ZNF90: variants seen among roughly 807,000 people sequenced by gnomAD.
ZNF90 encodes zinc finger protein HTF9.
Under a neutral mutation model 12.0 loss-of-function variants are expected in ZNF90, and 11 were observed. The ratio of observed to expected loss-of-function variants is 0.92; its 90% CI spans 0.58 to 1.52. The LOEUF (loss-of-function observed/expected upper bound fraction) is 1.52. ZNF90 is among the 40% of genes most tolerant of loss of function. ZNF90 has a pLI of 0.00. For missense variants in ZNF90, 765 were observed against 711.5 expected (o/e 1.08, Z -0.86); for synonymous variants, 232 against 240.1 (o/e 0.97, Z 0.31).
In ZNF90 at chr19:20,119,433, G is replaced by A. The variant is rs551869351; in HGVS notation, c.*73G>A. ...AAACCGTATAAATGTGATGACTGTT[G>A]GAAAGCCTTTGACCACCCCTCTACT... On this transcript the variant is annotated 3_prime_UTR_variant, in exon 4 of 4. Transcript: ENST00000418063. 1.2e-5 allele frequency: 16 copies of A among 1,381,480 alleles called. No homozygotes were observed. Among genetic ancestry groups the A allele is most frequent in the African/African-American group, 5.8e-5 (4 of 68,540 alleles). 85.6% of individuals were successfully genotyped at this position (1,381,480 alleles called of 1,614,324 possible).
intron 1 of ZNF90, among the ~76,000 whole-genome samples, chr19:20,103,014 G>C (rs1475350106): frequency 6.6e-6 from 1 of 152,116 alleles, no homozygotes; most frequent in Non-Finnish European, 1.5e-5. Context: ...AATATGTTGG[G>C]GTGGCCAGAC....
At chr19:20,096,697 T>C (rs1315630532) in intron 1 of ZNF90, among the ~76,000 whole-genome samples, 1 of 152,180 alleles carries the variant, frequency 6.6e-6, no homozygotes, top group African/African-American at 2.4e-5. Flanking sequence ...TCTTTTGTGA[T>C]TCTTCAGTTA....
intron 1 of ZNF90, among the ~76,000 whole-genome samples, chr19:20,087,782 G>C (rs1225757007): frequency 6.6e-6 from 1 of 152,196 alleles, no homozygotes; most frequent in Non-Finnish European, 1.5e-5. Flanking sequence ...TCCGAAAAGA[G>C]AGTCAGCAAA....
chr19:20,116,673 T>G (rs1177558500), intron 3 of ZNF90, among the ~76,000 whole-genome samples: 6 of 152,224 alleles, frequency 3.9e-5, no homozygotes, highest in Admixed American at 3.9e-4. Flanking sequence ...TAGTCTTGGC[T>G]AGAGATTCTG....
At chr19:20,102,773 C>G (rs2088999975) in intron 1 of ZNF90, among the ~76,000 whole-genome samples, 1 of 152,124 alleles carries the variant, frequency 6.6e-6, no homozygotes, top group African/African-American at 2.4e-5. Context: ...GTTCCATTAG[C>G]TCTATGCAGA....
At chr19:20,087,978 G>A (rs1555702279) in intron 1 of ZNF90, among the ~76,000 whole-genome samples, 2 of 152,020 alleles carry the variant, frequency 1.3e-5, no homozygotes, top group African/African-American at 4.8e-5. Flanking sequence ...GGCAAGGACC[G>A]GCCATTTACA....
At position 20,105,329 on chromosome 19, in the gene ZNF90, GA is replaced by G; in HGVS notation, c.226+17del. 1.3e-6 allele frequency: 2 copies of G among 1,595,812 alleles called. No homozygotes were observed. Among genetic ancestry groups the G allele is most frequent in the Non-Finnish European group, 1.7e-6 (2 of 1,169,832 alleles). On this transcript the variant is annotated intron_variant, in intron 3 of 3. Transcript: ENST00000418063. ...GCCAAATCCCCAGGTAGGTGCGAGT[GA>G]AAATGAATACAACAGACAACACAGA...
chr19:20,090,796 A>T (rs1207052857), intron 1 of ZNF90, among the ~76,000 whole-genome samples: 1 of 152,222 alleles, frequency 6.6e-6, no homozygotes, highest in East Asian at 1.9e-4. Context: ...TGTACCCTGT[A>T]GCATCTCGAG....
Position 20,117,882 on chromosome 19 carries a change from A to G in ZNF90, c.328A>G (p.Asn110Asp). 1 of 1,611,506 alleles carries G rather than the reference A, an allele frequency of 6.2e-7. No individual in the cohort carries two copies. Among genetic ancestry groups the G allele is most frequent in the Non-Finnish European group, 8.5e-7 (1 of 1,178,858 alleles). ...VTRYEKREYGNLELKKGCESV... is the reference protein window; with the variant it reads ...VTRYEKREYGDLELKKGCESV... Reference sequence around the variant, plus strand: ...AAGATATGAAAAACGTGAATATGGCAATTTAGAGTTAAAAAAAGGTTGTGA... The same window carrying G: ...AAGATATGAAAAACGTGAATATGGCGATTTAGAGTTAAAAAAAGGTTGTGA... The change falls in exon 4 of 4, where the codon AAT (asparagine) becomes GAT (aspartate). Residue 110 changes from asparagine to aspartate, a missense_variant. Transcript: ENST00000418063.
chr19:20,116,395 C>CT (rs2089137820), intron 3 of ZNF90, among the ~76,000 whole-genome samples: 2 of 152,198 alleles, frequency 1.3e-5, no homozygotes, highest in African/African-American at 4.8e-5. Context: ...GTCTCATACT[C>CT]CTGACCTCAT....
At chr19:20,106,714 A>C (rs563242967) in intron 3 of ZNF90, among the ~76,000 whole-genome samples, 8 of 152,282 alleles carry the variant, frequency 5.3e-5, no homozygotes, top group African/African-American at 1.7e-4. Flanking sequence ...TGGCCTCCCA[A>C]AGTGCTAGGA....
chr19:20,109,119 A>G (rs989963256), intron 3 of ZNF90, among the ~76,000 whole-genome samples: 5 of 152,322 alleles, frequency 3.3e-5, no homozygotes, highest in African/African-American at 9.6e-5. Flanking sequence ...CTTTAAGTCA[A>G]TTTGAGGTTT....
Position 20,100,886 on chromosome 19 carries a change from A to T in ZNF90, c.4-3353A>T, listed in dbSNP as rs567107433. ...CAAGAGGTAAAGAAATAATCAAATC[A>T]TGTATCACCTGAGAGCAGAGGGGGA... On this transcript the variant is annotated intron_variant, in intron 1 of 3. Transcript: ENST00000418063. Among the ~76,000 whole-genome samples the T allele has an allele frequency of 3.3e-5, 5 of 152,308 alleles. No homozygotes were observed. The South Asian group carries it at 1.0e-3, about 32-fold the overall frequency.
At position 20,106,044 on chromosome 19, in the gene ZNF90, CTTT is replaced by C. The variant is rs56933917; in HGVS notation, c.226+749_226+751del. 4.8e-3 allele frequency among the ~76,000 whole-genome samples: 344 copies of C among 71,074 alleles called. 4 individuals carry two copies. The highest frequency in any genetic ancestry group is 0.018 in the Middle Eastern group (1 of 56). The allele number at this position is 71,074 out of a possible 152,430, so 46.6% of individuals were successfully genotyped here. On this transcript the variant is annotated intron_variant, in intron 3 of 3. Coordinates refer to ENST00000418063, the MANE Select transcript of ZNF90 (RefSeq NM_007138.2). Reference sequence around the variant, plus strand: ...TTATTTGGAACTTCTCTAATTTTTTCTTTTTTTTTTTTTTTTTTTTTTTGGTAA... The same window carrying C: ...TTATTTGGAACTTCTCTAATTTTTTCTTTTTTTTTTTTTTTTTTTTGGTAA...
At chr19:20,110,629 C>G (rs1190222762) in intron 3 of ZNF90, among the ~76,000 whole-genome samples, 1 of 152,074 alleles carries the variant, frequency 6.6e-6, no homozygotes, top group East Asian at 1.9e-4. Context: ...AAAATAATGG[C>G]TGTATCTTTG....
chr19:20,101,524 CTT>C (rs1453872805), intron 1 of ZNF90, among the ~76,000 whole-genome samples: 2 of 152,186 alleles, frequency 1.3e-5, no homozygotes, highest in African/African-American at 2.4e-5. Context: ...AAAGGAGAAA[CTT>C]TTATTTTTAT....
rs1555704268 is a variant in ZNF90, at chr19:20,105,220, G to A, written c.131-1G>A. The A allele has an allele frequency of 6.3e-7, 1 of 1,597,212 alleles. No individual in the cohort carries two copies. The highest frequency in any genetic ancestry group is 8.5e-7 in the Non-Finnish European group (1 of 1,171,378). On this transcript the variant is annotated splice_acceptor_variant, in intron 2 of 3. Transcript: ENST00000418063. LOFTEE classifies it high-confidence loss of function. ...CATGTTATTTATTTTTAATAAAACA[G>A]GTATTGTTGTCACTAAGCCAGACCT...
Position 20,119,435 on chromosome 19 carries a change from A to G in ZNF90, c.*75A>G, listed in dbSNP as rs2089176979. 2 of 1,351,864 alleles carry G rather than the reference A, an allele frequency of 1.5e-6. No individual in the cohort carries two copies. Among genetic ancestry groups the G allele is most frequent in the South Asian group, 1.5e-5 (1 of 67,614 alleles). 83.7% of individuals were successfully genotyped at this position (1,351,864 alleles called of 1,614,324 possible). ...ACCGTATAAATGTGATGACTGTTGG[A>G]AAGCCTTTGACCACCCCTCTACTCT... On this transcript the variant is annotated 3_prime_UTR_variant, in exon 4 of 4. Transcript: ENST00000418063.
At chr19:20,078,488 G>A (rs777165200) in intron 1 of ZNF90, among the ~76,000 whole-genome samples, 2 of 152,034 alleles carry the variant, frequency 1.3e-5, no homozygotes, top group Non-Finnish European at 2.9e-5. Context: ...GGTCCATGGG[G>A]TTGACAGTTT....
Sources: allele counts gnomAD v4.1 joint callset (sites outside exome capture counted in the v4.1 genomes callset), GRCh38; gene constraint gnomAD v4.1.1; transcripts MANE v1.5; gene names NCBI Gene and HGNC (gene_info 2026-07-23, HGNC 2026-07-21).